DGKI: variants seen among roughly 807,000 people sequenced by gnomAD.
DGKI encodes diacylglycerol kinase iota, also known as DAG kinase iota.
DGKI carries 55 observed loss-of-function variants against 147.5 expected under a neutral mutation model. That is an observed-to-expected ratio of 0.37 (90% confidence interval 0.30 to 0.47). The LOEUF is 0.47. DGKI is among the 20% of genes least tolerant of loss of function. The pLI is 1.00. For synonymous variants in DGKI, 469 were observed against 477.1 expected, an observed-to-expected ratio of 0.98 and a Z score of 0.22; for missense variants, 1,007 against 1,323.8, an observed-to-expected ratio of 0.76 and a Z score of 3.71.
chr7:137,544,675 C>A (rs184801069), intron 20 of DGKI, among the ~76,000 whole-genome samples: 1 of 152,014 alleles, frequency 6.6e-6, no homozygotes, highest in African/African-American at 2.4e-5. Flanking sequence ...GACATGTATT[C>A]TTTTATGCAC....
chr7:137,673,630 GGTT>G (rs1238571957), intron 3 of DGKI, among the ~76,000 whole-genome samples: 2 of 152,184 alleles, frequency 1.3e-5, no homozygotes, highest in African/African-American at 2.4e-5. Context: ...TGGAACAGCA[GGTT>G]TTCAAACCCA....
rs542493341 is a variant in DGKI at position 137,619,720 on chromosome 7, A to G, written c.993+104T>C. 26 of 816,990 alleles carry G rather than the reference A, an allele frequency of 3.2e-5. No individual in the cohort carries two copies. In the East Asian group the frequency reaches 5.9e-4, roughly 19 times the overall value. The allele number at this position is 816,990 out of a possible 1,614,324, so 50.6% of individuals were successfully genotyped here. A position where few individuals can be genotyped will look rare whatever the true frequency, so the allele number is the denominator to read the frequency against. On this transcript the variant is annotated intron_variant, in intron 8 of 32. Coordinates refer to ENST00000614521, the MANE Select transcript of DGKI (RefSeq NM_001321708.2). ...AGCACAGGGCCTTGGGGATGAGTGA[A>G]CTGAGGTCATAGGAACCCAAAGACT...
chr7:137,618,290 C>G (rs1220494775), intron 8 of DGKI, among the ~76,000 whole-genome samples: 3 of 148,456 alleles, frequency 2.0e-5, no homozygotes, highest in African/African-American at 7.4e-5. Context: ...CTCCCACACA[C>G]CCTCTGCATA....
In DGKI at chr7:137,539,010, C is replaced by T. The variant is rs567785691; in HGVS notation, c.2147+13359G>A. Reference sequence around the variant, plus strand: ...GCTCCAGCTCTAAGAAAAGAAGGGACTCTGAATGCCGAAAGAAATGGAAAA... The same window carrying T: ...GCTCCAGCTCTAAGAAAAGAAGGGATTCTGAATGCCGAAAGAAATGGAAAA... On this transcript the variant is annotated intron_variant, in intron 20 of 32. Coordinates refer to ENST00000614521, the MANE Select transcript of DGKI (RefSeq NM_001321708.2). Among the ~76,000 whole-genome samples, 189 of 152,284 alleles carry T rather than the reference C, an allele frequency of 1.2e-3. 1 individual carries two copies. The highest frequency in any genetic ancestry group is 2.5e-3 in the Non-Finnish European group (167 of 68,024).
intron 1 of DGKI, among the ~76,000 whole-genome samples, chr7:137,714,972 A>G (rs1794332985): frequency 2.0e-5 from 3 of 152,132 alleles, no homozygotes; most frequent in African/African-American, 7.2e-5. Flanking sequence ...CTAGGCATTC[A>G]TATTGTTATC....
chr7:137,476,722 C>A (rs926291552), intron 23 of DGKI, among the ~76,000 whole-genome samples: 1 of 152,176 alleles, frequency 6.6e-6, no homozygotes, highest in Non-Finnish European at 1.5e-5. Flanking sequence ...CAATCCACCC[C>A]ACTATTCTTC....
intron 1 of DGKI, among the ~76,000 whole-genome samples, chr7:137,709,231 A>T (rs1456953797): frequency 6.6e-6 from 1 of 152,220 alleles, no homozygotes; most frequent in Non-Finnish European, 1.5e-5. Flanking sequence ...ATTTATTATG[A>T]AACTAAGGAA....
rs562513098 is a variant in DGKI at position 137,800,132 on chromosome 7, G to A, written c.401+46330C>T. ...TGGGGATTCCAATTTCCCCCCTATA[G>A]AATATGGCAAGGTTGGAGTTGAGAT... On this transcript the variant is annotated intron_variant, in intron 1 of 32. Transcript: ENST00000614521. Among the ~76,000 whole-genome samples the A allele has an allele frequency of 5.9e-5, 9 of 152,264 alleles. No individual in the cohort carries two copies. The South Asian group carries it at 1.0e-3, about 18-fold the overall frequency.
chr7:137,618,151 A>ATATATATTTTTTTTT, intron 8 of DGKI, among the ~76,000 whole-genome samples: 2 of 10,464 alleles, frequency 1.9e-4, no homozygotes, highest in Non-Finnish European at 6.1e-4. Context: ...ATATATATAT[A>ATATATATTTTTTTTT]TTTTTTTTTT....
chr7:137,606,512 A>G (rs1820190644), intron 10 of DGKI, among the ~76,000 whole-genome samples: 1 of 152,200 alleles, frequency 6.6e-6, no homozygotes, highest in South Asian at 2.1e-4. Context: ...CAGCAGTCTC[A>G]GCACCTGCGA....
chr7:137,392,109 T>C (rs567191406), intron 32 of DGKI, among the ~76,000 whole-genome samples: 1 of 152,324 alleles, frequency 6.6e-6, no homozygotes, highest in East Asian at 1.9e-4. Flanking sequence ...TTTACAACCT[T>C]TCTTAGTAAT....
chr7:137,534,542 A>C (rs834073), intron 20 of DGKI, among the ~76,000 whole-genome samples: 6,623 of 152,110 alleles, frequency 0.044, 359 homozygotes, highest in East Asian at 0.11. Flanking sequence ...TTTTACAGAA[A>C]GTGAATTTGG....
intron 1 of DGKI, among the ~76,000 whole-genome samples, chr7:137,820,128 G>T (rs1239209040): frequency 1.3e-5 from 2 of 152,126 alleles, no homozygotes; most frequent in Non-Finnish European, 2.9e-5. Context: ...ACTCATCCTT[G>T]CATCTAGGCT....
intron 1 of DGKI, among the ~76,000 whole-genome samples, chr7:137,778,507 G>C (rs183655465): frequency 6.6e-6 from 1 of 152,150 alleles, no homozygotes; most frequent in East Asian, 1.9e-4. Flanking sequence ...GAAAGAGGAG[G>C]CAAGAAGGAG....
In DGKI at chr7:137,646,279, G is replaced by A. The variant is rs533817451; in HGVS notation, c.739-742C>T. Among the ~76,000 whole-genome samples, 3 of 152,182 alleles carry A rather than the reference G, an allele frequency of 2.0e-5. No homozygotes were observed. The South Asian group carries it at 6.2e-4, about 32-fold the overall frequency. The stretch of plus-strand genomic sequence containing the variant: ...ACATAGACGTGAGAATTATTCACTA[G>A]ATAGAGTGAAGAAAGAGAAAAGCTG... On this transcript the variant is annotated intron_variant, in intron 5 of 32. Transcript: ENST00000614521.
chr7:137,560,170 A>G (rs1196375288), intron 19 of DGKI, among the ~76,000 whole-genome samples: 3 of 152,220 alleles, frequency 2.0e-5, no homozygotes, highest in Non-Finnish European at 4.4e-5. Flanking sequence ...ATAAAATGAA[A>G]AAAACAAAAT....
intron 7 of DGKI, among the ~76,000 whole-genome samples, chr7:137,622,068 C>A (rs1563116721): frequency 6.9e-6 from 1 of 145,838 alleles, no homozygotes; most frequent in African/African-American, 2.4e-5. Context: ...ATTTGTGTAA[C>A]AACTAACTGA....
At chr7:137,789,507 T>C (rs569169625) in intron 1 of DGKI, among the ~76,000 whole-genome samples, 1 of 152,158 alleles carries the variant, frequency 6.6e-6, no homozygotes, top group South Asian at 2.1e-4. Flanking sequence ...AGAAACATTA[T>C]CAAACCTTTC....
rs781580130 is a variant in DGKI at position 137,846,161 on chromosome 7, T to TCTCTCTCTCTCTCTCTCTCACACA, written c.401+300_401+301insTGTGTGAGAGAGAGAGAGAGAGAG. Among the ~76,000 whole-genome samples, 2 of 108,182 alleles carry TCTCTCTCTCTCTCTCTCTCACACA rather than the reference T, an allele frequency of 1.8e-5. No homozygotes were observed. The highest frequency in any genetic ancestry group is 2.8e-4 in the East Asian group (1 of 3,580). The allele number at this position is 108,182 out of a possible 152,430, so 71.0% of individuals were successfully genotyped here. A position where few individuals can be genotyped will look rare whatever the true frequency, so the allele number is the denominator to read the frequency against. On this transcript the variant is annotated intron_variant, in intron 1 of 32. Transcript: ENST00000614521. This position sits in a 1 kb window ranked among gnomAD's most constrained non-coding sequence, Gnocchi z 4.0. ...CTCTCTCTCTCTCTCTCTCTCTCTC[T>TCTCTCTCTCTCTCTCTCTCACACA]CACACACACACACACACACACACAC...
Sources: gnomAD v4.1 joint callset for allele counts (sites outside exome capture counted in the v4.1 genomes callset) on GRCh38, gnomAD v4.1.1 for gene constraint, Gnocchi (gnomAD v3.1) non-coding constraint, MANE v1.5 for transcripts, NCBI Gene and HGNC (gene_info 2026-07-23, HGNC 2026-07-21) for gene names.